The following RBMS3 variants were observed in gnomAD, a reference collection of about 807,000 sequenced individuals.
The protein encoded by RBMS3 is RNA binding motif single stranded interacting protein 3, also known as RNA-binding motif, single-stranded-interacting protein 3.
In RBMS3, 27 loss-of-function variants were observed where a neutral mutation model predicts 66.8. That is an observed-to-expected ratio of 0.40 (90% CI 0.30 to 0.56). RBMS3 has a LOEUF of 0.56. RBMS3 is among the 20% of genes least tolerant of loss of function. RBMS3 has a pLI of 0.40. For synonymous variants in RBMS3, 188 were observed against 183.0 expected, an observed-to-expected ratio of 1.03 and a Z score of -0.22; for missense variants, 513 against 549.5, an observed-to-expected ratio of 0.93 and a Z score of 0.66.
chr3:29,489,474 C>T (rs2043446441), intron 3 of RBMS3, among the ~76,000 whole-genome samples: 1 of 151,672 alleles, frequency 6.6e-6, no homozygotes. Context: ...CTCATAGATT[C>T]AAGTCCTAGT....
At chr3:29,764,445 AG>A (rs2149385493) in intron 6 of RBMS3, among the ~76,000 whole-genome samples, 1 of 152,004 alleles carries the variant, frequency 6.6e-6, no homozygotes, top group South Asian at 2.1e-4. Context: ...CATCGAGTAA[AG>A]GAGTTGCATT....
At chr3:29,711,779 T>C (rs574799595) in intron 4 of RBMS3, among the ~76,000 whole-genome samples, 23 of 152,202 alleles carry the variant, frequency 1.5e-4, no homozygotes, top group Non-Finnish European at 3.2e-4. Flanking sequence ...ATAATGAGGA[T>C]TAGCTATTGC....
intron 1 of RBMS3, among the ~76,000 whole-genome samples, chr3:29,357,836 A>G (rs918983811): frequency 2.6e-5 from 4 of 152,160 alleles, no homozygotes; most frequent in Non-Finnish European, 4.4e-5. Context: ...TGTTGGCTGC[A>G]TAAATGTCTT....
chr3:29,315,389 C>T (rs1559481880), intron 1 of RBMS3, among the ~76,000 whole-genome samples: 1 of 151,752 alleles, frequency 6.6e-6, no homozygotes, highest in Non-Finnish European at 1.5e-5. Flanking sequence ...ACCTCATCCT[C>T]ATTATATTTC....
intron 4 of RBMS3, among the ~76,000 whole-genome samples, chr3:29,738,140 C>T (rs976109760): frequency 1.3e-5 from 2 of 152,020 alleles, no homozygotes; most frequent in Admixed American, 1.3e-4. Flanking sequence ...AATTTAGTTG[C>T]ATACAAAAAT....
At chr3:29,820,623 T>C (rs745457417) in intron 6 of RBMS3, among the ~76,000 whole-genome samples, 4 of 152,186 alleles carry the variant, frequency 2.6e-5, no homozygotes, top group Non-Finnish European at 4.4e-5. Flanking sequence ...ATATTTTCTG[T>C]CACTAATTAG....
intron 6 of RBMS3, among the ~76,000 whole-genome samples, chr3:29,792,428 T>C (rs989241427): frequency 1.3e-5 from 2 of 152,226 alleles, no homozygotes; most frequent in African/African-American, 4.8e-5. Flanking sequence ...CTTAATCCTC[T>C]GAAACTCACT....
At chr3:29,679,638 C>T (rs1035271093) in intron 4 of RBMS3, among the ~76,000 whole-genome samples, 4 of 151,978 alleles carry the variant, frequency 2.6e-5, no homozygotes, top group South Asian at 4.2e-4. Context: ...TCTCATTAGC[C>T]GTATTATATC....
At chr3:29,392,143 G>A (rs12631778) in intron 1 of RBMS3, among the ~76,000 whole-genome samples, 2 of 151,930 alleles carry the variant, frequency 1.3e-5, no homozygotes, top group South Asian at 4.2e-4. Context: ...CCAGCTACTC[G>A]GGAGGCTGAG....
At chr3:29,966,733 A>G (rs1021919442) in intron 12 of RBMS3, among the ~76,000 whole-genome samples, 8 of 152,180 alleles carry the variant, frequency 5.3e-5, no homozygotes, top group African/African-American at 1.9e-4. Context: ...ACTATGTTAA[A>G]GAGGAGTGGT....
intron 2 of RBMS3, among the ~76,000 whole-genome samples, chr3:29,468,394 C>G (rs1197974615): frequency 6.6e-6 from 1 of 152,106 alleles, no homozygotes; most frequent in Non-Finnish European, 1.5e-5. Flanking sequence ...AAAGGCTCAG[C>G]TTTAAATGCA....
intron 3 of RBMS3, among the ~76,000 whole-genome samples, chr3:29,554,570 G>A (rs2046282213): frequency 6.6e-6 from 1 of 152,158 alleles, no homozygotes; most frequent in African/African-American, 2.4e-5. Flanking sequence ...CTGGACCAGA[G>A]ATAGGAGCAA....
At chr3:29,870,944 G>T (rs186432762) in intron 7 of RBMS3, among the ~76,000 whole-genome samples, 548 of 152,132 alleles carry the variant, frequency 3.6e-3, no homozygotes, top group Middle Eastern at 0.014. Flanking sequence ...ATATTAATTT[G>T]TACACTTTGA....
At chr3:29,772,108 C>T (rs951359254) in intron 6 of RBMS3, among the ~76,000 whole-genome samples, 1 of 151,866 alleles carries the variant, frequency 6.6e-6, no homozygotes, top group African/African-American at 2.4e-5. Flanking sequence ...AGAATTAACC[C>T]AACATTGCCG....
chr3:29,854,772 C>A (rs1477507250), intron 6 of RBMS3, among the ~76,000 whole-genome samples: 1 of 152,106 alleles, frequency 6.6e-6, no homozygotes, highest in African/African-American at 2.4e-5. Context: ...ATATTTAGGT[C>A]CTTTCACAAA....
chr3:29,863,997 T>C (rs778557451), intron 6 of RBMS3, among the ~76,000 whole-genome samples: 2 of 152,222 alleles, frequency 1.3e-5, no homozygotes, highest in Non-Finnish European at 2.9e-5. Flanking sequence ...AATGTAATTA[T>C]AGATACGTAA....
intron 1 of RBMS3, among the ~76,000 whole-genome samples, chr3:29,367,343 G>A (rs1298990825): frequency 6.6e-6 from 1 of 152,040 alleles, no homozygotes; most frequent in East Asian, 1.9e-4. Flanking sequence ...CTGAAAAACA[G>A]TTGGGATATA....
intron 2 of RBMS3, among the ~76,000 whole-genome samples, chr3:29,444,784 AT>A (rs2041756734): frequency 2.3e-5 from 1 of 44,294 alleles, no homozygotes; most frequent in African/African-American, 7.1e-5. Context: ...GCGGAAATAT[AT>A]GCCTTTTTTT....
intron 2 of RBMS3, among the ~76,000 whole-genome samples, chr3:29,486,114 G>A (rs559746746): frequency 1.3e-5 from 2 of 152,104 alleles, no homozygotes; most frequent in South Asian, 4.2e-4. Flanking sequence ...GTTTATGGTG[G>A]TTACGTCTTT....
Sources: allele counts gnomAD v4.1 joint callset (sites outside exome capture counted in the v4.1 genomes callset), GRCh38; gene constraint gnomAD v4.1.1; transcripts MANE v1.5; gene names NCBI Gene and HGNC (gene_info 2026-07-23, HGNC 2026-07-21).